CACNA2D3: variants seen among roughly 807,000 people sequenced by gnomAD.
CACNA2D3 encodes calcium voltage-gated channel auxiliary subunit alpha2delta 3.
In CACNA2D3, 60 loss-of-function variants were observed where a neutral mutation model predicts 160.6. The ratio of observed to expected loss-of-function variants is 0.37; its 90% CI spans 0.30 to 0.46. CACNA2D3 has a LOEUF of 0.46. CACNA2D3 is among the 20% of genes least tolerant of loss of function. The pLI is 1.00. For synonymous variants in CACNA2D3, 558 were observed against 492.9 expected, an observed-to-expected ratio of 1.13 and a Z score of -1.75; for missense variants, 1,205 against 1,365.0, an observed-to-expected ratio of 0.88 and a Z score of 1.85.
intron 11 of CACNA2D3, among the ~76,000 whole-genome samples, chr3:54,736,174 TA>T (rs1701527951): frequency 6.9e-6 from 1 of 144,246 alleles, no homozygotes; most frequent in African/African-American, 2.6e-5. Context: ...CAGACACACA[TA>T]AATGGGATCA....
At chr3:54,831,960 G>A (rs1025117878) in intron 14 of CACNA2D3, among the ~76,000 whole-genome samples, 4 of 149,024 alleles carry the variant, frequency 2.7e-5, no homozygotes, top group Non-Finnish European at 4.4e-5. Context: ...GTACCCTCCC[G>A]CCCTTTCCCT....
intron 2 of CACNA2D3, among the ~76,000 whole-genome samples, chr3:54,124,074 A>T (rs1224294696): frequency 6.6e-6 from 1 of 152,196 alleles, no homozygotes; most frequent in Non-Finnish European, 1.5e-5. Context: ...TTCCCCAATC[A>T]TCTAGACCCA....
chr3:54,505,659 G>T (rs544485201), intron 5 of CACNA2D3, among the ~76,000 whole-genome samples: 3 of 152,142 alleles, frequency 2.0e-5, no homozygotes, highest in African/African-American at 7.2e-5. Context: ...ATTCCCAACT[G>T]AAGATGAAAA....
intron 2 of CACNA2D3, among the ~76,000 whole-genome samples, chr3:54,131,719 A>G (rs117783871): frequency 0.021 from 3,217 of 152,268 alleles, 39 homozygotes; most frequent in South Asian, 0.051. Flanking sequence ...GCAGGGGCAC[A>G]ATGACAAATG....
In CACNA2D3 at chr3:54,269,784, G is replaced by A. The variant is rs542156936; in HGVS notation, c.205-50658G>A. Among the ~76,000 whole-genome samples the A allele has an allele frequency of 2.0e-5, 3 of 152,302 alleles. No homozygotes were observed. In the South Asian group the frequency reaches 6.2e-4, roughly 32 times the overall value. On this transcript the variant is annotated intron_variant, in intron 2 of 37. Transcript: ENST00000474759. ...TTTAAAAGCAGCTTCATGGAACAGT[G>A]TTAGGGATAGAAATCACTTGTTTTT...
chr3:54,247,329 C>CAAACAAACAAACAAAT (rs549331677), intron 2 of CACNA2D3, among the ~76,000 whole-genome samples: 6 of 151,756 alleles, frequency 4.0e-5, no homozygotes, highest in African/African-American at 1.5e-4. Context: ...AACAAACAAA[C>CAAACAAACAAACAAAT]AAATAAATAA....
chr3:54,402,435 G>C (rs1180005082), intron 4 of CACNA2D3, among the ~76,000 whole-genome samples: 1 of 152,102 alleles, frequency 6.6e-6, no homozygotes, highest in African/African-American at 2.4e-5. Flanking sequence ...TAAAGGAATG[G>C]AAGAAGATAT....
intron 3 of CACNA2D3, among the ~76,000 whole-genome samples, chr3:54,376,077 C>T (rs1423708223): frequency 6.6e-6 from 1 of 152,154 alleles, no homozygotes; most frequent in African/African-American, 2.4e-5. Context: ...GGTCTGATCA[C>T]GTGGGTCTTA....
chr3:54,313,392 C>G (rs1394236077), intron 2 of CACNA2D3, among the ~76,000 whole-genome samples: 1 of 152,054 alleles, frequency 6.6e-6, no homozygotes, highest in Non-Finnish European at 1.5e-5. Flanking sequence ...CAGTTTTGCC[C>G]CCTTACTCTA....
chr3:54,595,328 GTGT>G (rs1176186390), intron 9 of CACNA2D3, among the ~76,000 whole-genome samples: 2 of 147,478 alleles, frequency 1.4e-5, no homozygotes, highest in African/African-American at 5.3e-5. Context: ...GTGTGTGTGT[GTGT>G]GTGTGTGTGT....
rs1331760427 is a variant in CACNA2D3 at position 54,663,618 on chromosome 3, A to C, written c.1167+21377A>C. ...AAAGGCGATGAAGACAACTAAATGC[A>C]TTTATGATTTATGCCCCCTGTGATA... On this transcript the variant is annotated intron_variant, in intron 11 of 37. Transcript: ENST00000474759. 2.0e-5 allele frequency among the ~76,000 whole-genome samples: 3 copies of C among 152,242 alleles called. 1 individual carries two copies. Among genetic ancestry groups the C allele is most frequent in the Non-Finnish European group, 4.4e-5 (3 of 68,044 alleles).
chr3:54,648,695 G>A (rs896817029), intron 11 of CACNA2D3, among the ~76,000 whole-genome samples: 5 of 152,228 alleles, frequency 3.3e-5, no homozygotes, highest in Admixed American at 2.6e-4. Context: ...TATATGGCAC[G>A]TGGATCTGCT....
At chr3:54,677,996 A>G (rs1402744850) in intron 11 of CACNA2D3, among the ~76,000 whole-genome samples, 1 of 152,148 alleles carries the variant, frequency 6.6e-6, no homozygotes, top group Admixed American at 6.5e-5. Context: ...TCACAGAACA[A>G]AAATGTCGAT....
intron 35 of CACNA2D3, among the ~76,000 whole-genome samples, 184 bp from the exon 36 acceptor site, chr3:55,073,261 G>A (rs1268383757): frequency 1.3e-5 from 2 of 152,158 alleles, no homozygotes; most frequent in East Asian, 1.9e-4. Flanking sequence ...TGTTTTCCTA[G>A]TGAAGCTAGG....
At chr3:54,389,291 C>T (rs560260937) in intron 4 of CACNA2D3, among the ~76,000 whole-genome samples, 25 of 135,410 alleles carry the variant, frequency 1.8e-4, no homozygotes, top group Non-Finnish European at 3.3e-4. Context: ...AGCGAAACTC[C>T]GTCTTAAAAA....
intron 27 of CACNA2D3, among the ~76,000 whole-genome samples, chr3:54,953,574 A>AAGCC (rs1038067241): frequency 9.8e-5 from 15 of 152,312 alleles, no homozygotes; most frequent in Admixed American, 9.8e-4. Flanking sequence ...TATTCTCTCA[A>AAGCC]AGCCACTTCT....
At chr3:54,564,986 G>T (rs1187763080) in intron 6 of CACNA2D3, among the ~76,000 whole-genome samples, 1 of 152,072 alleles carries the variant, frequency 6.6e-6, no homozygotes, top group Non-Finnish European at 1.5e-5. Flanking sequence ...TTCTAACCTT[G>T]TCTCACTGGC....
chr3:55,051,562 G>T (rs1329404820), intron 35 of CACNA2D3, among the ~76,000 whole-genome samples: 2 of 151,872 alleles, frequency 1.3e-5, no homozygotes, highest in Admixed American at 6.5e-5. Flanking sequence ...CTTTTTGTTT[G>T]TCTGTGCCCT....
At chr3:54,827,803 A>G (rs549185368) in intron 14 of CACNA2D3, among the ~76,000 whole-genome samples, 1 of 152,266 alleles carries the variant, frequency 6.6e-6, no homozygotes, top group African/African-American at 2.4e-5. Context: ...ATTAAACGAT[A>G]GTGTTGGAAT....
Sources: allele counts gnomAD v4.1 joint callset (sites outside exome capture counted in the v4.1 genomes callset), GRCh38; gene constraint gnomAD v4.1.1; transcripts MANE v1.5; gene names NCBI Gene and HGNC (gene_info 2026-07-23, HGNC 2026-07-21).